Variants in RNF150 observed in about 807,000 individuals in gnomAD.
The protein encoded by RNF150 is ring finger protein 150.
Under a neutral mutation model 39.3 loss-of-function variants are expected in RNF150, and 24 were observed. That is an observed-to-expected ratio of 0.61 (90% CI 0.44 to 0.86). The LOEUF is 0.86. RNF150 is among the 40% of genes least tolerant of loss of function. RNF150 has a pLI of 0.00. For missense variants in RNF150, 502 were observed against 587.8 expected (o/e 0.85, Z 1.51); for synonymous variants, 255 against 227.3 (o/e 1.12, Z -1.10).
chr4:140,907,490 C>T (rs1442397827), intron 6 of RNF150, among the ~76,000 whole-genome samples: 2 of 152,096 alleles, frequency 1.3e-5, no homozygotes, highest in African/African-American at 4.8e-5. Context: ...ATCTGTTCTA[C>T]ATCTTTGCTT....
chr4:141,021,305 T>C (rs951309179), intron 1 of RNF150, among the ~76,000 whole-genome samples: 5 of 152,154 alleles, frequency 3.3e-5, no homozygotes, highest in Non-Finnish European at 5.9e-5. Flanking sequence ...CTAGGCTTAG[T>C]TGCAAAAGAG....
chr4:141,128,246 AT>A (rs1726802778), intron 1 of RNF150, among the ~76,000 whole-genome samples: 2 of 152,176 alleles, frequency 1.3e-5, no homozygotes, highest in African/African-American at 2.4e-5. Context: ...CCAGCTACAG[AT>A]TTAAACACTG....
In RNF150 at chr4:141,000,048, A is replaced by AGAAGG. The variant is rs1734587267; in HGVS notation, c.485-32176_485-32175insCCTTC. ...GAAGAAGAAGAAGAAGAAGAAGAAG[A>AGAAGG]AGAAGAAGAAGAAGAAGAAGAAGAA... is the stretch of plus-strand genomic sequence containing the variant. On this transcript the variant is annotated intron_variant, in intron 1 of 6. Transcript: ENST00000515673. 4.9e-5 allele frequency among the ~76,000 whole-genome samples: 4 copies of AGAAGG among 81,632 alleles called. 1 individual carries two copies. Among genetic ancestry groups the AGAAGG allele is most frequent in the Admixed American group, 2.8e-4 (2 of 7,186 alleles). The allele number at this position is 81,632 out of a possible 152,430, so 53.6% of individuals were successfully genotyped here.
At chr4:140,887,355 G>C (rs1037301181) in intron 6 of RNF150, among the ~76,000 whole-genome samples, 1 of 152,210 alleles carries the variant, frequency 6.6e-6, no homozygotes, top group Non-Finnish European at 1.5e-5. Flanking sequence ...ATGCTACGCA[G>C]TATGTGCACT....
At chr4:140,879,365 A>T (rs966354273) in intron 6 of RNF150, among the ~76,000 whole-genome samples, 5 of 152,190 alleles carry the variant, frequency 3.3e-5, no homozygotes, top group African/African-American at 1.2e-4. Context: ...ATCCGTGAAC[A>T]TGTGATATCT....
chr4:141,140,654 T>C (rs1727103803), intron 1 of RNF150, among the ~76,000 whole-genome samples: 2 of 152,172 alleles, frequency 1.3e-5, no homozygotes. Flanking sequence ...TGAGGGAGGT[T>C]GAACTAAAAG....
chr4:140,974,731 T>A (rs916093803), intron 1 of RNF150, among the ~76,000 whole-genome samples: 1 of 152,202 alleles, frequency 6.6e-6, no homozygotes, highest in African/African-American at 2.4e-5. Context: ...GTCTTTACAA[T>A]ATCTCTTCAT....
At chr4:140,994,528 C>G (rs1734299414) in intron 1 of RNF150, among the ~76,000 whole-genome samples, 1 of 152,162 alleles carries the variant, frequency 6.6e-6, no homozygotes, top group Non-Finnish European at 1.5e-5. Context: ...CCCTAACAAA[C>G]CAAAGCCAGG....
Position 141,023,795 on chromosome 4 carries a change from G to A in RNF150, c.485-55922C>T, listed in dbSNP as rs766698447. Among the ~76,000 whole-genome samples, 8 of 152,064 alleles carry A rather than the reference G, an allele frequency of 5.3e-5. No individual in the cohort carries two copies. The Middle Eastern group carries it at 0.024, about 453-fold the overall frequency. On this transcript the variant is annotated intron_variant, in intron 1 of 6. Transcript: ENST00000515673. Reference sequence around the variant, plus strand: ...CAAACTGAACAATAACAAACTTCACGGTGCTTTCCTACCTTCTTTATTTGT... The same window carrying A: ...CAAACTGAACAATAACAAACTTCACAGTGCTTTCCTACCTTCTTTATTTGT...
chr4:141,045,625 C>T (rs1007810805), intron 1 of RNF150, among the ~76,000 whole-genome samples: 8 of 152,016 alleles, frequency 5.3e-5, no homozygotes, highest in Admixed American at 6.6e-5. Context: ...CTCACTGAAA[C>T]CTCCGCCTCC....
At chr4:141,075,475 T>C (rs529031259) in intron 1 of RNF150, among the ~76,000 whole-genome samples, 1 of 152,266 alleles carries the variant, frequency 6.6e-6, no homozygotes, top group Non-Finnish European at 1.5e-5. Context: ...TTATGTTTAC[T>C]AATTAGAATT....
intron 1 of RNF150, among the ~76,000 whole-genome samples, chr4:141,208,028 G>T (rs1289959649): frequency 6.6e-6 from 1 of 152,212 alleles, no homozygotes; most frequent in Non-Finnish European, 1.5e-5. Flanking sequence ...GAAGTTGAAA[G>T]AATCACAGGG....
chr4:140,933,693 G>A (rs1731733868), intron 4 of RNF150, among the ~76,000 whole-genome samples: 1 of 152,242 alleles, frequency 6.6e-6, no homozygotes, highest in Admixed American at 6.5e-5. Flanking sequence ...TATGAATGGT[G>A]AAGAAAATAA....
At chr4:141,063,130 C>T (rs1163618835) in intron 1 of RNF150, among the ~76,000 whole-genome samples, 1 of 152,130 alleles carries the variant, frequency 6.6e-6, no homozygotes, top group African/African-American at 2.4e-5. Context: ...TTTCAGATGA[C>T]ATAATATTTG....
At chr4:141,056,662 C>G (rs911304144) in intron 1 of RNF150, among the ~76,000 whole-genome samples, 6 of 152,036 alleles carry the variant, frequency 3.9e-5, no homozygotes, top group African/African-American at 1.2e-4. Context: ...CCTTTCCTCC[C>G]CTACACCTAA....
intron 1 of RNF150, among the ~76,000 whole-genome samples, chr4:141,146,477 T>C (rs566417426): frequency 6.6e-6 from 1 of 152,352 alleles, no homozygotes; most frequent in South Asian, 2.1e-4. Context: ...ATGAGCCAAC[T>C]ATTCTTAAAG....
intron 1 of RNF150, among the ~76,000 whole-genome samples, chr4:141,037,646 T>G (rs1241680260): frequency 6.6e-6 from 1 of 152,170 alleles, no homozygotes; most frequent in Non-Finnish European, 1.5e-5. Context: ...AACTGTTGGA[T>G]CAAAAGAGCC....
In RNF150 at chr4:141,182,914, T is replaced by C. The variant is rs891876599; in HGVS notation, c.-6+29880A>G. Among the ~76,000 whole-genome samples the C allele has an allele frequency of 1.1e-3, 170 of 151,002 alleles. 1 individual carries two copies. Among genetic ancestry groups the C allele is most frequent in the African/African-American group, 4.0e-3 (164 of 41,050 alleles). On this transcript the variant is annotated intron_variant, in intron 1 of 7. Coordinates refer to the RNF150 transcript ENST00000420921. Reference sequence around the variant, plus strand: ...AAGAACAAAGCTGGAGGCATCACACTACCTGACTTCAAACTATACTACAAG... The same window carrying C: ...AAGAACAAAGCTGGAGGCATCACACCACCTGACTTCAAACTATACTACAAG...
At chr4:141,153,826 G>A (rs949651683) in intron 1 of RNF150, among the ~76,000 whole-genome samples, 1 of 152,118 alleles carries the variant, frequency 6.6e-6, no homozygotes. Context: ...GTTCATGTAT[G>A]CCTACAGGAT....
Sources: allele counts gnomAD v4.1 joint callset (sites outside exome capture counted in the v4.1 genomes callset), GRCh38; gene constraint gnomAD v4.1.1; transcripts MANE v1.5; gene names NCBI Gene and HGNC (gene_info 2026-07-23, HGNC 2026-07-21).